Variants in LRRIQ1 observed in about 807,000 individuals in gnomAD.
The protein encoded by LRRIQ1 is leucine-rich repeat- and IQ domain-containing protein 1.
A neutral mutation model predicts 211.9 loss-of-function variants in LRRIQ1; 210 were observed. The ratio of observed to expected loss-of-function variants is 0.99; its 90% CI spans 0.89 to 1.11. The LOEUF (loss-of-function observed/expected upper bound fraction) is 1.11, where lower values mean the gene tolerates loss of function less well. Among genes scored for constraint, LRRIQ1 ranks in the 50% most tolerant of loss-of-function variants. The pLI is 0.00. For missense variants in LRRIQ1, 2,136 were observed against 1,939.5 expected, an observed-to-expected ratio of 1.10 and a Z score of -1.90; for synonymous variants, 699 against 650.1, an observed-to-expected ratio of 1.08 and a Z score of -1.14.
At chr12:85,261,971 A>G (rs1054045306) in intron 1 of LRRIQ1, among the ~76,000 whole-genome samples, 1 of 151,566 alleles carries the variant, frequency 6.6e-6, no homozygotes, top group African/African-American at 2.4e-5. Flanking sequence ...TGTGTTTTTG[A>G]TAGAGACAGG....
At chr12:85,262,280 A>T (rs1416855741) in intron 1 of LRRIQ1, among the ~76,000 whole-genome samples, 4 of 152,074 alleles carry the variant, frequency 2.6e-5, no homozygotes, top group African/African-American at 7.2e-5. Context: ...ACTACCACTT[A>T]CAACATAATC....
intron 24 of LRRIQ1, among the ~76,000 whole-genome samples, chr12:85,213,568 A>G (rs868842330): frequency 1.3e-5 from 2 of 151,980 alleles, no homozygotes; most frequent in African/African-American, 4.8e-5. Flanking sequence ...CTTTTATCAA[A>G]CTTGAACTTA....
chr12:85,247,862 A>G (rs1010147702), downstream of LRRIQ1, among the ~76,000 whole-genome samples: 3 of 151,554 alleles, frequency 2.0e-5, no homozygotes, highest in African/African-American at 7.3e-5. Flanking sequence ...CTTTTGTTAG[A>G]AAACTTCCTA....
At chr12:85,175,534 G>T (rs1338154650) in intron 24 of LRRIQ1, among the ~76,000 whole-genome samples, 1 of 152,094 alleles carries the variant, frequency 6.6e-6, no homozygotes, top group Non-Finnish European at 1.5e-5. Flanking sequence ...ATAATCATTG[G>T]CTTCGTTCAG....
At chr12:85,270,702 C>T in the LRRIQ1 span, among the ~76,000 whole-genome samples, 1 of 152,108 alleles carries the variant, frequency 6.6e-6, no homozygotes, top group African/African-American at 2.4e-5. Flanking sequence ...ACACATAGTG[C>T]TTATTTTATG....
At chr12:85,193,580 T>A (rs1892718374) in intron 24 of LRRIQ1, among the ~76,000 whole-genome samples, 1 of 147,364 alleles carries the variant, frequency 6.8e-6, no homozygotes, top group African/African-American at 2.5e-5. Flanking sequence ...CTAAGCTTCA[T>A]AAGTGAAGGA....
At chr12:85,263,724 CATT>C (rs1353535750) in exon 2 of LRRIQ1, 1 of 151,880 alleles carries the variant, frequency 6.6e-6, no homozygotes, top group Non-Finnish European at 1.5e-5. Flanking sequence ...GGTTCATTTA[CATT>C]ATTATACTAA....
At chr12:85,057,313 T>A in intron 8 of LRRIQ1, 129 bp downstream of exon 8, 1 of 791,754 alleles carries the variant, frequency 1.3e-6, no homozygotes, top group Non-Finnish European at 1.8e-6. Context: ...AAGTTATGAA[T>A]GAAATATTAC....
At chr12:85,119,777 G>A (rs932667158) in intron 15 of LRRIQ1, among the ~76,000 whole-genome samples, 4 of 152,176 alleles carry the variant, frequency 2.6e-5, no homozygotes, top group East Asian at 1.9e-4. Context: ...ATATCATGCC[G>A]AACATCTTCT....
chr12:85,217,320 A>G (rs917457436), intron 24 of LRRIQ1, among the ~76,000 whole-genome samples: 1 of 150,722 alleles, frequency 6.6e-6, no homozygotes, highest in East Asian at 1.9e-4. Context: ...CAACTCATAC[A>G]CTTATTGGTT....
intron 19 of LRRIQ1, among the ~76,000 whole-genome samples, chr12:85,142,963 G>T (rs538529861): frequency 6.6e-6 from 1 of 151,450 alleles, no homozygotes; most frequent in Non-Finnish European, 1.5e-5. Context: ...ATTGCCTTTT[G>T]GTATACCTAG....
chr12:85,080,421 G>C (rs539065119), intron 11 of LRRIQ1, among the ~76,000 whole-genome samples: 2 of 151,234 alleles, frequency 1.3e-5, no homozygotes, highest in Non-Finnish European at 3.0e-5. Context: ...ATGTAATATA[G>C]AGGGCATAAT....
intron 18 of LRRIQ1, among the ~76,000 whole-genome samples, chr12:85,128,602 AAAC>A (rs750961115): frequency 1.3e-4 from 20 of 152,144 alleles, no homozygotes; most frequent in South Asian, 4.1e-4. Flanking sequence ...TTGTCTCAAA[AAAC>A]AACAACAACA....
At chr12:85,170,520 A>G (rs1440339558) in intron 24 of LRRIQ1, among the ~76,000 whole-genome samples, 3 of 150,592 alleles carry the variant, frequency 2.0e-5, no homozygotes, top group Admixed American at 1.3e-4. Context: ...TATATAACAT[A>G]TATACTTTAT....
chr12:85,235,390 A>G (rs887567770), intron 26 of LRRIQ1, among the ~76,000 whole-genome samples: 2 of 152,084 alleles, frequency 1.3e-5, no homozygotes, highest in Non-Finnish European at 2.9e-5. Flanking sequence ...AGCTTTCCAA[A>G]ACGACTCCTG....
At chr12:85,063,866 C>A (rs139563512) in intron 8 of LRRIQ1, among the ~76,000 whole-genome samples, 190 of 151,790 alleles carry the variant, frequency 1.3e-3, no homozygotes, top group African/African-American at 4.3e-3. Context: ...ATGGCAGGAT[C>A]TCATTGTTTT....
At chr12:85,058,290 A>G (rs1881370143) in intron 8 of LRRIQ1, among the ~76,000 whole-genome samples, 1 of 151,998 alleles carries the variant, frequency 6.6e-6, no homozygotes, top group East Asian at 1.9e-4. Context: ...CACATCTGTC[A>G]GGTCTGCAGA....
At chr12:85,213,510 A>T (rs1233956730) in intron 24 of LRRIQ1, among the ~76,000 whole-genome samples, 1 of 152,030 alleles carries the variant, frequency 6.6e-6, no homozygotes, top group Non-Finnish European at 1.5e-5. Flanking sequence ...GCTTATACAG[A>T]ACATTCAACA....
At chr12:85,071,619 C>T (rs912601893) in intron 10 of LRRIQ1, among the ~76,000 whole-genome samples, 7 of 151,956 alleles carry the variant, frequency 4.6e-5, no homozygotes, top group Admixed American at 2.0e-4. Context: ...TGTGCCTATT[C>T]TCATGCTGCT....
Sources: allele counts gnomAD v4.1 joint callset (sites outside exome capture counted in the v4.1 genomes callset), GRCh38; gene constraint gnomAD v4.1.1; transcripts MANE v1.5; gene names NCBI Gene and HGNC (gene_info 2026-07-23, HGNC 2026-07-21).